The following ZNF532 variants were observed in gnomAD, a reference collection of about 807,000 sequenced individuals.
ZNF532 encodes zinc finger protein 532.
A neutral mutation model predicts 89.3 loss-of-function variants in ZNF532; 22 were observed. The observed-to-expected ratio is 0.25, with a 90% confidence interval of 0.18 to 0.35. The LOEUF is 0.35. ZNF532 is among the 10% of genes least tolerant of loss of function. ZNF532 has a pLI of 1.00. For missense variants in ZNF532, 1,132 were observed against 1,643.4 expected (o/e 0.69, Z 5.38); for synonymous variants, 606 against 649.6 (o/e 0.93, Z 1.02).
intron 3 of ZNF532, among the ~76,000 whole-genome samples, chr18:58,929,404 C>T (rs772745957): frequency 1.3e-5 from 2 of 152,186 alleles, no homozygotes; most frequent in Non-Finnish European, 2.9e-5. Flanking sequence ...TTTCTAGATC[C>T]CGCTCTGCTC....
In ZNF532 at chr18:58,918,567, C is replaced by T. The variant is rs1400588667; in HGVS notation, c.280C>T (p.Leu94Phe). ...TGGCAATGGCTTACATAATGGGTTT[C>T]TCACAGCATCCTCCCTTGACAGTTA... ...PTGNGLHNGF[L>F]TASSLDSYSK... is the part of the protein sequence containing the mutation. Residue 94 changes from leucine to phenylalanine, a missense_variant, in exon 3 of 10, where the codon CTC (leucine) becomes TTC (phenylalanine). Physicochemically the swap from Leu to Phe is conservative, Grantham distance 22. Transcript: ENST00000591808. 1 of 1,614,224 alleles carries T rather than the reference C, an allele frequency of 6.2e-7. No individual in the cohort carries two copies. Among genetic ancestry groups the T allele is most frequent in the Non-Finnish European group, 8.5e-7 (1 of 1,180,040 alleles).
chr18:58,906,518 G>A lies in ZNF532; in HGVS notation c.-17-11753G>A, dbSNP rs375556115. 1.6e-3 allele frequency among the ~76,000 whole-genome samples: 240 copies of A among 152,164 alleles called. 1 individual carries two copies. The highest frequency in any genetic ancestry group is 6.8e-3 in the Middle Eastern group (2 of 294). ...TAGGTGCATTTCCTGCCCATTCCTA[G>A]ATCGGTCATTTCTCCGAGGAGCCCT... On this transcript the variant is annotated intron_variant, in intron 2 of 9. Coordinates refer to ENST00000591808, the MANE Select transcript of ZNF532 (RefSeq NM_001375912.1).
chr18:58,938,368 A>G (rs1196579279), intron 4 of ZNF532, among the ~76,000 whole-genome samples: 1 of 152,234 alleles, frequency 6.6e-6, no homozygotes, highest in African/African-American at 2.4e-5. Context: ...CTTTGTGTGA[A>G]AAAGATGAGA....
Position 58,920,432 on chromosome 18 carries a change from T to C in ZNF532, c.2145T>C (p.Thr715=). 6.2e-7 allele frequency: 1 copy of C among 1,613,904 alleles called. No homozygotes were observed. The change falls in exon 3 of 10, where the codon ACT becomes ACC. Residue 715 remains threonine, a synonymous_variant. Coordinates refer to ENST00000591808, the MANE Select transcript of ZNF532 (RefSeq NM_001375912.1). ...GCCCTGTGGGAGCTGGCACACACAC[T>C]GTCACAAAAATTCAGTCTGGCATAA... The part of the protein sequence containing the change: ...LQSPVGAGTH[T]VTKIQSGITG...
chr18:58,960,448 G>A (rs1052837015), intron 7 of ZNF532, among the ~76,000 whole-genome samples: 10 of 152,184 alleles, frequency 6.6e-5, no homozygotes, highest in Non-Finnish European at 1.5e-4. Flanking sequence ...GAAAGGAGAA[G>A]GTTGGATAGA....
At chr18:58,939,359 G>T in intron 4 of ZNF532, 86 bp from the exon 5 acceptor site, 1 of 1,105,808 alleles carries the variant, frequency 9.0e-7, no homozygotes, top group Non-Finnish European at 1.2e-6. Context: ...AAAGGGCTAT[G>T]AAAGTGTGTT....
At position 58,951,414 on chromosome 18, in the gene ZNF532, T is replaced by C. The variant is rs74467452; in HGVS notation, c.2869-2104T>C. ...AAAAATGCATTTGCCTAGAAACTTA[T>C]GAAAAGTTGCTAGAGGGTTTTAGGT... On this transcript the variant is annotated intron_variant, in intron 6 of 9. Transcript: ENST00000591808. 4.6e-5 allele frequency among the ~76,000 whole-genome samples: 7 copies of C among 152,344 alleles called. No individual in the cohort carries two copies. The East Asian group carries it at 9.6e-4, about 21-fold the overall frequency.
intron 2 of ZNF532, among the ~76,000 whole-genome samples, chr18:58,907,502 T>TA (rs2060006473): frequency 6.7e-6 from 1 of 148,258 alleles, no homozygotes; most frequent in Non-Finnish European, 1.5e-5. Flanking sequence ...AAGTTTTTTG[T>TA]TTTTTTTTTG....
chr18:58,868,894 A>G (rs941295694), intron 2 of ZNF532, among the ~76,000 whole-genome samples: 1 of 152,244 alleles, frequency 6.6e-6, no homozygotes, highest in South Asian at 2.1e-4. Context: ...ACACAAACCT[A>G]GATGGTGTAG....
chr18:58,953,782 A>G lies in ZNF532; in HGVS notation c.3133A>G (p.Arg1045Gly). ...MQRDVYISHV[R>G]KEHGKQMKKH... ...GAGAGATGTGTACATATCCCACGTG[A>G]GGAAGGAGCACGGGAAGGTCAGTAA... The change falls in exon 7 of 10, where the codon AGG becomes GGG. Residue 1045 changes from arginine (R) to glycine (G), a missense_variant. Physicochemically the swap from Arg to Gly is moderately radical, Grantham distance 125 (BLOSUM62 -2). Around this residue, in one of 9 missense-constraint regions of ZNF532, gnomAD observed 415 missense variants for 604.8 expected, o/e 0.69. Coordinates refer to ENST00000591808, the MANE Select transcript of ZNF532 (RefSeq NM_001375912.1). 6.2e-7 allele frequency: 1 copy of G among 1,612,902 alleles called. No homozygotes were observed. The highest frequency in any genetic ancestry group is 2.2e-5 in the East Asian group (1 of 44,874).
chr18:58,976,849 G>A (rs921591862), intron 7 of ZNF532, among the ~76,000 whole-genome samples: 4 of 152,164 alleles, frequency 2.6e-5, no homozygotes, highest in Non-Finnish European at 5.9e-5. Flanking sequence ...AATATAAAAA[G>A]CATTAGATAC....
chr18:58,874,649 G>T (rs961887414), intron 2 of ZNF532, among the ~76,000 whole-genome samples: 3 of 152,130 alleles, frequency 2.0e-5, no homozygotes, highest in Non-Finnish European at 4.4e-5. Flanking sequence ...CCTGAATTTT[G>T]TATTTGTAAT....
At chr18:58,920,967 T>TG (rs1373994565) in intron 3 of ZNF532, among the ~76,000 whole-genome samples, 1 of 151,938 alleles carries the variant, frequency 6.6e-6, no homozygotes, top group African/African-American at 2.4e-5. Flanking sequence ...GTGTGCCTGT[T>TG]GCGCCAGCTA....
intron 4 of ZNF532, among the ~76,000 whole-genome samples, 153 bp downstream of exon 4, chr18:58,934,767 T>G (rs1017519033): frequency 2.6e-5 from 4 of 152,198 alleles, no homozygotes; most frequent in Non-Finnish European, 5.9e-5. Context: ...AGAGTCCATC[T>G]GTTTGAATCC....
chr18:58,947,730 A>T (rs1488873401), intron 5 of ZNF532, among the ~76,000 whole-genome samples: 3 of 129,328 alleles, frequency 2.3e-5, no homozygotes, highest in Admixed American at 7.1e-5. Flanking sequence ...AAAAATCTTT[A>T]AAAAAAAAGG....
intron 2 of ZNF532, among the ~76,000 whole-genome samples, chr18:58,867,210 A>G (rs1361654232): frequency 2.6e-5 from 4 of 151,974 alleles, no homozygotes; most frequent in African/African-American, 9.7e-5. Flanking sequence ...TGCCACGGCT[A>G]TACAGTGCGA....
intron 5 of ZNF532, among the ~76,000 whole-genome samples, chr18:58,942,037 GC>G (rs1256053921): frequency 7.4e-4 from 54 of 73,384 alleles, no homozygotes; most frequent in African/African-American, 2.6e-3. Context: ...TTCTACCCCC[GC>G]CCCCCCCTCA....
intron 2 of ZNF532, among the ~76,000 whole-genome samples, chr18:58,891,351 G>A (rs1445091759): frequency 6.6e-6 from 1 of 152,136 alleles, no homozygotes; most frequent in South Asian, 2.1e-4. Flanking sequence ...CCAACATGGC[G>A]AAACCCTATC....
chr18:58,928,613 G>GA (rs1456081488), intron 3 of ZNF532, among the ~76,000 whole-genome samples: 1 of 152,216 alleles, frequency 6.6e-6, no homozygotes, highest in Non-Finnish European at 1.5e-5. Flanking sequence ...CCCCTTGGAG[G>GA]AGACAGTGGC....
Sources: gnomAD v4.1 joint callset for allele counts (sites outside exome capture counted in the v4.1 genomes callset) on GRCh38, gnomAD v4.1.1 for gene constraint, gnomAD v4.1.1 regional missense constraint, MANE v1.5 for transcripts, NCBI Gene and HGNC (gene_info 2026-07-23, HGNC 2026-07-21) for gene names.